The following SYNE1 variants were observed in gnomAD, a reference collection of about 807,000 sequenced individuals.
The protein encoded by SYNE1 is spectrin repeat containing nuclear envelope protein 1, also known as nesprin-1.
A neutral mutation model predicts 1,111.0 loss-of-function variants in SYNE1; 616 were observed. That is an observed-to-expected ratio of 0.55 (90% CI 0.52 to 0.59). SYNE1 has a LOEUF of 0.59. SYNE1 is among the 20% of genes least tolerant of loss of function. SYNE1 has a pLI of 0.00. For missense variants in SYNE1, 10,006 were observed against 10,417.0 expected, an observed-to-expected ratio of 0.96 and a Z score of 1.72; for synonymous variants, 3,855 against 3,825.8, an observed-to-expected ratio of 1.01 and a Z score of -0.28.
intron 4 of SYNE1, among the ~76,000 whole-genome samples, chr6:152,527,162 T>TA (rs1564646921): frequency 1.3e-5 from 2 of 152,160 alleles, no homozygotes; most frequent in African/African-American, 4.8e-5. Context: ...TTTCTTTCTT[T>TA]AAAAAATAAT....
At chr6:152,546,022 A>G (rs1265894907) in intron 3 of SYNE1, 1 of 152,220 alleles carries the variant, frequency 6.6e-6, no homozygotes, top group African/African-American at 2.4e-5. Flanking sequence ...TGACGTGAAT[A>G]CAAAGGGGAA....
rs28385620 is a variant in SYNE1 at position 152,337,239 on chromosome 6, A to G, written c.12352-222T>C. Reference sequence around the variant, plus strand: ...AATGTAGGGTTCCTAAAGACTTTAAATGTCTACAAGTTATGCTATATGGTT... The same window carrying G: ...AATGTAGGGTTCCTAAAGACTTTAAGTGTCTACAAGTTATGCTATATGGTT... On this transcript the variant is annotated intron_variant, in intron 75 of 145. Coordinates refer to ENST00000367255, the MANE Select transcript of SYNE1 (RefSeq NM_182961.4). Among the ~76,000 whole-genome samples the G allele has an allele frequency of 0.12, 18,351 of 152,086 alleles. 1,307 individuals carry two copies. The highest frequency in any genetic ancestry group is 0.14 in the Non-Finnish European group (9,547 of 68,008).
chr6:152,321,953 T>G, intron 82 of SYNE1, 67 bp from the exon 83 acceptor site: 2 of 1,559,846 alleles, frequency 1.3e-6, no homozygotes, highest in Non-Finnish European at 1.8e-6. Context: ...TTGGCAACAT[T>G]TTATCCAATA....
chr6:152,425,545 T>G lies in SYNE1; in HGVS notation c.5103A>C (p.Ala1701=). 1 of 1,614,128 alleles carries G rather than the reference T, an allele frequency of 6.2e-7. No homozygotes were observed. Among genetic ancestry groups the G allele is most frequent in the Non-Finnish European group, 8.5e-7 (1 of 1,180,004 alleles). The change falls in exon 39 of 146, where the codon GCA becomes GCC. Residue 1701 remains alanine, a splice_region_variant and synonymous_variant. Transcript: ENST00000367255. ...KVEGELQLIQ[A]LQNEVVSQAS... ...CCTGGGATACAACTTCATTTTGCAGTGCCTGAAAAATACAAGACATTACGG... is the reference window on the plus strand; with the variant it reads ...CCTGGGATACAACTTCATTTTGCAGGGCCTGAAAAATACAAGACATTACGG...
At chr6:152,555,206 A>C (rs1409976343) in intron 3 of SYNE1, among the ~76,000 whole-genome samples, 1 of 152,204 alleles carries the variant, frequency 6.6e-6, no homozygotes, top group African/African-American at 2.4e-5. Flanking sequence ...CTTTGGGGAA[A>C]TTGGAAAAGA....
At chr6:152,480,537 T>C (rs1243933873) in intron 14 of SYNE1, among the ~76,000 whole-genome samples, 1 of 152,178 alleles carries the variant, frequency 6.6e-6, no homozygotes, top group Non-Finnish European at 1.5e-5. Context: ...ATAATAATAA[T>C]TCAAGCTTTT....
chr6:152,207,971 C>T lies in SYNE1; in HGVS notation c.22824+1G>A. 1 of 1,614,062 alleles carries T rather than the reference C, an allele frequency of 6.2e-7. No homozygotes were observed. The highest frequency in any genetic ancestry group is 8.5e-7 in the Non-Finnish European group (1 of 1,179,938). On this transcript the variant is annotated splice_donor_variant, in intron 125 of 145. Coordinates refer to ENST00000367255, the MANE Select transcript of SYNE1 (RefSeq NM_182961.4). LOFTEE classifies it high-confidence loss of function. ...TGAGAACACTGTGTTTTGCATCTTACCTGCACTTCATCAAAGAGGGTCCTT... is the reference window on the plus strand; with the variant it reads ...TGAGAACACTGTGTTTTGCATCTTATCTGCACTTCATCAAAGAGGGTCCTT...
intron 87 of SYNE1, among the ~76,000 whole-genome samples, chr6:152,311,431 A>T (rs1050931514): frequency 1.2e-4 from 18 of 152,240 alleles, no homozygotes; most frequent in Admixed American, 1.2e-3. Context: ...ATCCCTGATC[A>T]TTCAGAGTGG....
Position 152,206,181 on chromosome 6 carries a change from G to T in SYNE1, c.23006C>A (p.Ala7669Asp), listed in dbSNP as rs1452906754. The stretch of plus-strand genomic sequence containing the variant: ...AACTGAACTTACTTTCAACAAGAAG[G>T]CTAGTTTTTTCTTCTGTTCTTCCAG... ...MRLEEQKKKL[A>D]FLLKDWEKCE... Residue 7669 changes from alanine to aspartate, a missense_variant, in exon 126 of 146, where the codon GCC (alanine) becomes GAC (aspartate). By Grantham distance (126) the Ala-to-Asp change is moderately radical (BLOSUM62 -2). This residue lies in a region of SYNE1 where 2,182 missense variants were observed against 2,287.8 expected (regional missense o/e 0.95). Transcript: ENST00000367255. 1.2e-6 allele frequency: 2 copies of T among 1,613,422 alleles called. No homozygotes were observed. Among genetic ancestry groups the T allele is most frequent in the East Asian group, 2.2e-5 (1 of 44,852 alleles).
intron 99 of SYNE1, 69 bp from the exon 100 acceptor site, chr6:152,268,234 T>C: frequency 1.6e-6 from 2 of 1,280,634 alleles, no homozygotes; most frequent in South Asian, 1.2e-5. Context: ...ATCATAGTTC[T>C]AGCTATAAAA....
chr6:152,497,923 T>C (rs1374926799), intron 11 of SYNE1, among the ~76,000 whole-genome samples: 1 of 152,210 alleles, frequency 6.6e-6, no homozygotes, highest in Admixed American at 6.5e-5. Context: ...TCTTTCACTT[T>C]ATTGTTTTTC....
chr6:152,254,851 C>T (rs755513989), intron 104 of SYNE1, 29 bp downstream of exon 104: 2 of 1,592,480 alleles, frequency 1.3e-6, no homozygotes, highest in East Asian at 4.5e-5. Flanking sequence ...AGAGAATGGT[C>T]ACGTATCCTT....
At chr6:152,409,305 T>A in intron 43 of SYNE1, 79 bp from the exon 44 acceptor site, 1 of 1,435,668 alleles carries the variant, frequency 7.0e-7, no homozygotes, top group Non-Finnish European at 9.7e-7. Context: ...TCTAAGAAAT[T>A]TAATTCATAA....
chr6:152,253,197 T>G (rs1287883891), intron 104 of SYNE1, among the ~76,000 whole-genome samples: 3 of 152,154 alleles, frequency 2.0e-5, no homozygotes, highest in African/African-American at 4.8e-5. Context: ...TTCCCTGAGA[T>G]CACCCTAATA....
At chr6:152,407,949 G>A (rs1236891422) in intron 44 of SYNE1, among the ~76,000 whole-genome samples, 1 of 151,980 alleles carries the variant, frequency 6.6e-6, no homozygotes, top group Admixed American at 6.6e-5. Context: ...TTTTAGTAGA[G>A]ATGGGGTTTC....
intron 105 of SYNE1, among the ~76,000 whole-genome samples, chr6:152,247,750 TACACACACACACAC>T (rs61420132): frequency 1.8e-5 from 2 of 112,374 alleles, no homozygotes; most frequent in African/African-American, 7.2e-5. Context: ...TATATATATA[TACACACACACACAC>T]ACACACACAC....
At chr6:152,588,825 A>G (rs116097291) in intron 3 of SYNE1, among the ~76,000 whole-genome samples, 3,318 of 152,314 alleles carry the variant, frequency 0.022, 125 homozygotes, top group African/African-American at 0.075. Flanking sequence ...AGGCCCATCC[A>G]GGTGGGTCCC....
intron 4 of SYNE1, 80 bp from the exon 5 acceptor site, chr6:152,526,255 C>T: frequency 1.4e-6 from 2 of 1,423,796 alleles, no homozygotes; most frequent in Non-Finnish European, 2.0e-6. Flanking sequence ...ACCTTTGTTA[C>T]TTATGGTGGT....
chr6:152,232,855 T>C (rs578152040), intron 112 of SYNE1, among the ~76,000 whole-genome samples: 23 of 152,330 alleles, frequency 1.5e-4, no homozygotes, highest in African/African-American at 5.3e-4. Flanking sequence ...AAAGCAATCA[T>C]TTAAAATCTT....
Sources: allele counts gnomAD v4.1 joint callset (sites outside exome capture counted in the v4.1 genomes callset), GRCh38; gene constraint gnomAD v4.1.1; regional missense constraint gnomAD v4.1.1; transcripts MANE v1.5; gene names NCBI Gene and HGNC (gene_info 2026-07-23, HGNC 2026-07-21).